HIVEP3: variants seen among roughly 807,000 people sequenced by gnomAD.
The protein encoded by HIVEP3 is transcription factor HIVEP3.
A neutral mutation model predicts 152.8 loss-of-function variants in HIVEP3; 49 were observed. The ratio of observed to expected loss-of-function variants is 0.32; its 90% confidence interval spans 0.26 to 0.41. The LOEUF (loss-of-function observed/expected upper bound fraction) is 0.41, where lower values mean the gene tolerates loss of function less well. Among genes scored for constraint, HIVEP3 ranks in the 10% least tolerant of loss-of-function variants. HIVEP3 has a pLI of 1.00. For missense variants in HIVEP3, 2,790 were observed against 3,103.3 expected, an observed-to-expected ratio of 0.90 and a Z score of 2.40; for synonymous variants, 1,269 against 1,289.0, an observed-to-expected ratio of 0.98 and a Z score of 0.33.
intron 1 of HIVEP3, among the ~76,000 whole-genome samples, chr1:41,954,894 G>A (rs907911493): frequency 1.3e-5 from 2 of 152,008 alleles, no homozygotes; most frequent in Admixed American, 1.3e-4. Flanking sequence ...ACAAGCTTGG[G>A]ACGTGAGTCA....
chr1:41,701,363 A>G (rs756981183), intron 1 of HIVEP3, among the ~76,000 whole-genome samples: 1 of 152,262 alleles, frequency 6.6e-6, no homozygotes, highest in African/African-American at 2.4e-5. Context: ...TCTTGCTTTC[A>G]TTATTCATTC....
chr1:41,887,030 T>G (rs1295571943), intron 1 of HIVEP3, among the ~76,000 whole-genome samples: 2 of 152,174 alleles, frequency 1.3e-5, no homozygotes, highest in Non-Finnish European at 2.9e-5. Context: ...AGTGGATGTC[T>G]GTGTCTGAAG....
chr1:41,899,404 T>C (rs1220154008), intron 1 of HIVEP3, among the ~76,000 whole-genome samples: 1 of 152,096 alleles, frequency 6.6e-6, no homozygotes, highest in Non-Finnish European at 1.5e-5. Flanking sequence ...TGTTTTTTAT[T>C]TTATTTATTT....
chr1:41,523,429 A>G (rs1489662343), intron 6 of HIVEP3, among the ~76,000 whole-genome samples: 3 of 152,116 alleles, frequency 2.0e-5, no homozygotes, highest in Non-Finnish European at 4.4e-5. Flanking sequence ...AAACCTTGAC[A>G]GGAAAATTTG....
chr1:41,808,477 A>G (rs936289477), intron 1 of HIVEP3, among the ~76,000 whole-genome samples: 1 of 152,246 alleles, frequency 6.6e-6, no homozygotes, highest in Non-Finnish European at 1.5e-5. Context: ...CACTTGTCAC[A>G]GTCCAGTTTG....
intron 1 of HIVEP3, among the ~76,000 whole-genome samples, chr1:42,020,194 A>T (rs1645545676): frequency 6.6e-6 from 1 of 151,948 alleles, no homozygotes; most frequent in African/African-American, 2.4e-5. Context: ...AGCTTTTGAT[A>T]TAATGTTTTT....
intron 1 of HIVEP3, among the ~76,000 whole-genome samples, chr1:41,956,146 A>G (rs1450191687): frequency 6.6e-6 from 1 of 152,202 alleles, no homozygotes; most frequent in Non-Finnish European, 1.5e-5. Flanking sequence ...ATAGCAAATT[A>G]TAACAGTCAG....
rs557242766 is a variant in HIVEP3, at chr1:41,865,131, T to A, written c.-801+53282A>T. Reference sequence around the variant, plus strand: ...TGTAGACACTTGGATCTATTTTTTTTATTCACTCTCTCCTTGGTAGCCAGC... The same window carrying A: ...TGTAGACACTTGGATCTATTTTTTTAATTCACTCTCTCCTTGGTAGCCAGC... On this transcript the variant is annotated intron_variant, in intron 1 of 8. Coordinates refer to ENST00000372583, the MANE Select transcript of HIVEP3 (RefSeq NM_024503.5). Among the ~76,000 whole-genome samples, 12 of 152,364 alleles carry A rather than the reference T, an allele frequency of 7.9e-5. No individual in the cohort carries two copies. The East Asian group carries it at 1.9e-3, about 24-fold the overall frequency.
Position 41,510,068 on chromosome 1 carries a change from T to G in HIVEP3, c.*383A>C, listed in dbSNP as rs187668968. On this transcript the variant is annotated 3_prime_UTR_variant, in exon 9 of 9. Transcript: ENST00000372583. ...TAATTCTATATTGTTTGAAGTTTCC[T>G]TTTCCTTTCTCCCTCAGTGTACCCC... The G allele has an allele frequency of 3.5e-3, 598 of 171,322 alleles. 2 individuals carry two copies. The highest frequency in any genetic ancestry group is 0.013 in the African/African-American group (556 of 42,290). 10.6% of individuals were successfully genotyped at this position (171,322 alleles called of 1,614,324 possible).
At chr1:41,654,045 T>C (rs1645594049) in intron 2 of HIVEP3, among the ~76,000 whole-genome samples, 1 of 145,856 alleles carries the variant, frequency 6.9e-6, no homozygotes, top group Non-Finnish European at 1.5e-5. Flanking sequence ...TCCTTGCACC[T>C]ACTCCTTCCC....
At position 41,583,361 on chromosome 1, in the gene HIVEP3, G is replaced by A. The variant is rs2984694; in HGVS notation, c.1437C>T (p.Ser479=). ...GCCTTGGCTTCACGCTGTCGATCTC[G>A]CTGGTGTCCACCACGGCCTCGTTGA... The part of the protein sequence containing the change: ...ITINEAVVDT[S]EIDSVKPRRS... Residue 479 remains serine (S), a synonymous_variant, in exon 4 of 9, where the codon AGC becomes AGT. Transcript: ENST00000372583. The surrounding 1 kb of genome is among the most constrained non-coding windows in gnomAD (Gnocchi z 6.9). 1,599,859 of 1,612,766 alleles carry A rather than the reference G, an allele frequency of 0.99. 794,395 individuals are homozygous for A. Among genetic ancestry groups the A allele is most frequent in the East Asian group, 1 (44,792 of 44,792 alleles).
At chr1:41,800,519 C>A (rs1366694738) in intron 1 of HIVEP3, among the ~76,000 whole-genome samples, 1 of 152,264 alleles carries the variant, frequency 6.6e-6, no homozygotes, top group Non-Finnish European at 1.5e-5. Context: ...CCACCACCAG[C>A]TGAATGCAGC....
At position 41,513,495 on chromosome 1, in the gene HIVEP3, C is replaced by A. The variant is rs1642508083; in HGVS notation, c.5726G>T (p.Gly1909Val). 1.9e-6 allele frequency: 3 copies of A among 1,608,474 alleles called. No homozygotes were observed. Among genetic ancestry groups the A allele is most frequent in the Non-Finnish European group, 2.5e-6 (3 of 1,178,162 alleles). ...CGAGCTGCCTCGTGTAGCCTCCGTG[C>A]CAGAGGCGGGGGCATCTGGGGGCTG... The part of the protein sequence containing the change: ...GPQPPDAPAS[G>V]TEATRGSSVS... Residue 1909 changes from glycine to valine, a missense_variant, in exon 8 of 9, where the codon GGC becomes GTC. Transcript: ENST00000372583.
chr1:41,555,954 G>A (rs1411769036), intron 5 of HIVEP3, among the ~76,000 whole-genome samples: 1 of 152,178 alleles, frequency 6.6e-6, no homozygotes, highest in East Asian at 1.9e-4. Context: ...CGTGTGGCAG[G>A]TATCAGAATG....
intron 1 of HIVEP3, among the ~76,000 whole-genome samples, chr1:41,739,164 C>T (rs919975007): frequency 6.6e-6 from 1 of 152,262 alleles, no homozygotes; most frequent in African/African-American, 2.4e-5. Flanking sequence ...CCGCCTCTGC[C>T]CCTGCATGGC....
intron 1 of HIVEP3, among the ~76,000 whole-genome samples, chr1:41,704,203 A>G (rs1370746637): frequency 6.6e-6 from 1 of 152,242 alleles, no homozygotes; most frequent in Non-Finnish European, 1.5e-5. Flanking sequence ...CTATGGGCCA[A>G]CTTGTTCTGT....
At chr1:41,841,372 T>C (rs1020322465) in intron 1 of HIVEP3, among the ~76,000 whole-genome samples, 3 of 151,628 alleles carry the variant, frequency 2.0e-5, no homozygotes, top group Non-Finnish European at 4.4e-5. Context: ...ATCAATTCTT[T>C]AAACAGGCAG....
At chr1:41,708,571 C>G (rs1437573752) in intron 1 of HIVEP3, among the ~76,000 whole-genome samples, 1 of 152,174 alleles carries the variant, frequency 6.6e-6, no homozygotes, top group Non-Finnish European at 1.5e-5. Context: ...TTTTCTGGTC[C>G]CTGGAGGGGC....
intron 1 of HIVEP3, among the ~76,000 whole-genome samples, chr1:41,771,803 T>A (rs1006076000): frequency 6.6e-6 from 1 of 152,184 alleles, no homozygotes; most frequent in Non-Finnish European, 1.5e-5. Flanking sequence ...TAGCTGGAAC[T>A]ACAAGCACAT....
Sources: gnomAD v4.1 joint callset for allele counts (sites outside exome capture counted in the v4.1 genomes callset) on GRCh38, gnomAD v4.1.1 for gene constraint, Gnocchi (gnomAD v3.1) non-coding constraint, MANE v1.5 for transcripts, NCBI Gene and HGNC (gene_info 2026-07-23, HGNC 2026-07-21) for gene names.